MICAL3: variants seen among roughly 807,000 people sequenced by gnomAD.
The protein encoded by MICAL3 is microtubule associated monooxygenase, calponin and LIM domain containing 3, also known as [F-actin]-monooxygenase MICAL3.
Under a neutral mutation model 207.4 loss-of-function variants are expected in MICAL3, and 62 were observed. The observed-to-expected ratio is 0.30, with a 90% CI of 0.24 to 0.37. The LOEUF (loss-of-function observed/expected upper bound fraction) is 0.37, where lower values mean the gene tolerates loss of function less well. MICAL3 is among the 10% of genes least tolerant of loss of function. The probability of loss-of-function intolerance (pLI) is 1.00; values close to 1 mark genes in which losing one functional copy is unlikely to be tolerated. For synonymous variants in MICAL3, 1,077 were observed against 1,069.3 expected, an observed-to-expected ratio of 1.01 and a Z score of -0.14; for missense variants, 2,368 against 2,635.6, an observed-to-expected ratio of 0.90 and a Z score of 2.22.
At chr22:17,873,350 G>A (rs1202730671) in intron 16 of MICAL3, among the ~76,000 whole-genome samples, 1 of 152,276 alleles carries the variant, frequency 6.6e-6, no homozygotes, top group Non-Finnish European at 1.5e-5. Context: ...GGCCGCCTCT[G>A]TGTGGGTAGC....
chr22:17,899,317 A>G (rs759223592), intron 7 of MICAL3, 131 bp downstream of exon 7: 3 of 723,228 alleles, frequency 4.1e-6, no homozygotes, highest in Non-Finnish European at 7.6e-6. Flanking sequence ...GGAAAACATC[A>G]GGGGTTACCA....
intron 1 of MICAL3, among the ~76,000 whole-genome samples, chr22:17,940,179 C>A (rs888961815): frequency 1.3e-5 from 2 of 152,230 alleles, no homozygotes; most frequent in African/African-American, 4.8e-5. Context: ...CCTTTCAGGG[C>A]CAGTTGGATA....
At chr22:18,014,066 G>T (rs1002306734) in intron 1 of MICAL3, among the ~76,000 whole-genome samples, 4 of 151,470 alleles carry the variant, frequency 2.6e-5, no homozygotes, top group African/African-American at 9.7e-5. Flanking sequence ...CAAAGTTCTG[G>T]GATTATAGTC....
intron 1 of MICAL3, among the ~76,000 whole-genome samples, chr22:17,989,796 G>C (rs1166081406): frequency 1.3e-5 from 2 of 152,200 alleles, no homozygotes; most frequent in Non-Finnish European, 2.9e-5. Context: ...CTAACTTGCA[G>C]GGCTGACAAC....
chr22:17,818,806 G>A lies in MICAL3; in HGVS notation c.3855C>T (p.Ala1285=), dbSNP rs1406737109. The change falls in exon 26 of 32, where the codon GCC becomes GCT. Residue 1285 remains alanine (A), a synonymous_variant. Transcript: ENST00000441493. ...PTQSPIRFQP[A]PAKTSTPLAP... The stretch of plus-strand genomic sequence containing the variant: ...CCAGTGGGGTGGATGTTTTGGCCGG[G>A]GCAGGCTGGAAGCGTATGGGGGACT... 2 of 1,570,032 alleles carry A rather than the reference G, an allele frequency of 1.3e-6. No homozygotes were observed. Among genetic ancestry groups the A allele is most frequent in the Middle Eastern group, 1.7e-4 (1 of 5,866 alleles).
intron 1 of MICAL3, among the ~76,000 whole-genome samples, chr22:17,958,710 T>C (rs920694535): frequency 6.6e-6 from 1 of 151,630 alleles, no homozygotes; most frequent in African/African-American, 2.4e-5. Flanking sequence ...TTTTTATTTT[T>C]TTTTTCTTTT....
At chr22:17,792,590 T>C (rs2061835372) in intron 29 of MICAL3, among the ~76,000 whole-genome samples, 1 of 152,214 alleles carries the variant, frequency 6.6e-6, no homozygotes, top group South Asian at 2.1e-4. Context: ...TGGCACACGG[T>C]ACACAGACAC....
At chr22:18,001,873 T>G (rs1346063143) in intron 1 of MICAL3, among the ~76,000 whole-genome samples, 3 of 152,170 alleles carry the variant, frequency 2.0e-5, no homozygotes, top group Non-Finnish European at 2.9e-5. Context: ...TATCAAAGCC[T>G]GCCCCCGGAG....
At chr22:17,860,198 C>A in intron 19 of MICAL3, 3 of 979,210 alleles carry the variant, frequency 3.1e-6, no homozygotes, top group Non-Finnish European at 3.6e-6. Context: ...AAGAATGTAA[C>A]ATTTGTTAAA....
At chr22:17,888,652 T>C (rs543503991) in intron 13 of MICAL3, among the ~76,000 whole-genome samples, 4 of 152,166 alleles carry the variant, frequency 2.6e-5, no homozygotes, top group Non-Finnish European at 2.9e-5. Context: ...TAGCGCGGTA[T>C]GAAGAGAAGC....
At chr22:17,925,345 C>G (rs1569134960) in intron 1 of MICAL3, among the ~76,000 whole-genome samples, 1 of 152,204 alleles carries the variant, frequency 6.6e-6, no homozygotes, top group South Asian at 2.1e-4. Flanking sequence ...TTCTATACCA[C>G]TTGATTGCAG....
chr22:17,807,262 G>A (rs935152342), intron 29 of MICAL3, among the ~76,000 whole-genome samples: 2 of 152,260 alleles, frequency 1.3e-5, no homozygotes, highest in African/African-American at 4.8e-5. Context: ...ACGCAGTCGG[G>A]CACAGGTGGG....
At chr22:17,964,656 A>G (rs1602305367) in intron 1 of MICAL3, among the ~76,000 whole-genome samples, 1 of 152,358 alleles carries the variant, frequency 6.6e-6, no homozygotes, top group South Asian at 2.1e-4. Flanking sequence ...TTCTGTGAGT[A>G]GGGAAATCTG....
chr22:17,888,988 C>T, intron 13 of MICAL3, 46 bp downstream of exon 13: 2 of 1,406,238 alleles, frequency 1.4e-6, no homozygotes, highest in Non-Finnish European at 2.0e-6. Context: ...AGCCGGGCCA[C>T]AGCACAGCAG....
chr22:17,908,158 TGACAA>T (rs1169272426), intron 1 of MICAL3, among the ~76,000 whole-genome samples: 1 of 151,830 alleles, frequency 6.6e-6, no homozygotes, highest in Non-Finnish European at 1.5e-5. Flanking sequence ...TGGGTCAGGG[TGACAA>T]GACGAGTGTG....
intron 1 of MICAL3, among the ~76,000 whole-genome samples, chr22:17,981,414 C>T (rs1046925295): frequency 6.6e-6 from 1 of 152,066 alleles, no homozygotes; most frequent in Non-Finnish European, 1.5e-5. Context: ...CTGAACTGGA[C>T]ACTAGTTTCA....
At chr22:17,838,268 G>A in intron 20 of MICAL3, among the ~76,000 whole-genome samples, 1 of 152,242 alleles carries the variant, frequency 6.6e-6, no homozygotes, top group Non-Finnish European at 1.5e-5. Flanking sequence ...CGCTGAATCA[G>A]AAACTCAGCC....
chr22:17,947,210 C>T (rs1183899477), intron 1 of MICAL3, among the ~76,000 whole-genome samples: 2 of 152,234 alleles, frequency 1.3e-5, no homozygotes, highest in African/African-American at 4.8e-5. Flanking sequence ...GTTCATCTTG[C>T]AGCCTGGGCC....
intron 18 of MICAL3, among the ~76,000 whole-genome samples, chr22:17,865,475 C>G (rs925068933): frequency 1.3e-5 from 2 of 152,214 alleles, no homozygotes; most frequent in African/African-American, 4.8e-5. Context: ...TAGTGAAAGG[C>G]CCCGCAGGCA....
Sources: gnomAD v4.1 joint callset for allele counts (sites outside exome capture counted in the v4.1 genomes callset) on GRCh38, gnomAD v4.1.1 for gene constraint, MANE v1.5 for transcripts, NCBI Gene and HGNC (gene_info 2026-07-23, HGNC 2026-07-21) for gene names.